Variants in PAGE5 observed in about 807,000 individuals in gnomAD.
The protein encoded by PAGE5 is PAGE family member 5.
PAGE5 carries 8 observed loss-of-function variants against 8.1 expected under a neutral mutation model. The observed-to-expected ratio is 0.98, with a 90% CI of 0.58 to 1.77. PAGE5 has a LOEUF of 1.77. PAGE5 is among the 40% of genes most tolerant of loss of function. The pLI is 0.00. For missense variants in PAGE5, 64 were observed against 77.6 expected (o/e 0.82, Z 0.66); for synonymous variants, 30 against 27.0 (o/e 1.11, Z -0.35).
In PAGE5 at chrX:55,223,992, G is replaced by C. The variant is rs751111833; in HGVS notation, c.322G>C (p.Gly108Arg). ...DPTKVLEAGE[G>R]QL ...ATTTTATATTTATATTATAGGTGAA[G>C]GGCAACTATAGGTTTAAACCAAGAC... Residue 108 changes from glycine to arginine, a missense_variant, in exon 5 of 5, where the codon GGG becomes CGG. Coordinates refer to ENST00000374955, the MANE Select transcript of PAGE5 (RefSeq NM_001013435.3). 8.7e-7 allele frequency: 1 copy of C among 1,147,522 alleles called. No homozygotes were observed. 94.6% of individuals were successfully genotyped at this position (1,147,522 alleles called of 1,213,427 possible). A position where few individuals can be genotyped will look rare whatever the true frequency, so the allele number is the denominator to read the frequency against.
At chrX:55,220,565 C>T in intron 1 of PAGE5, 113 bp downstream of exon 1, 1 of 1,171,587 alleles carries the variant, frequency 8.5e-7, no homozygotes, top group South Asian at 1.9e-5. Context: ...GGGAAAAGGG[C>T]CTCGCGGTGG....
intron 2 of PAGE5, 48 bp downstream of exon 2, chrX:55,221,511 A>AT (rs1290588301): frequency 4.3e-6 from 5 of 1,152,602 alleles, no homozygotes; most frequent in Admixed American, 2.2e-5. Context: ...TTTTATTTTA[A>AT]AAAATATTTT....
Position 55,222,875 on chromosome X carries a change from T to C in PAGE5, c.316+129T>C, listed in dbSNP as rs192989311. On this transcript the variant is annotated intron_variant, in intron 4 of 4. Coordinates refer to ENST00000374955, the MANE Select transcript of PAGE5 (RefSeq NM_001013435.3). ...ACATCTAAAGATTCTTTGAAGGTAG[T>C]TCAGACCCCAAATGGCTGCCTTACA... is the stretch of plus-strand genomic sequence containing the variant. 282 of 837,571 alleles carry C rather than the reference T, an allele frequency of 3.4e-4. 2 individuals carry two copies. In the East Asian group the frequency reaches 9.3e-3, roughly 28 times the overall value. The allele number at this position is 837,571 out of a possible 1,213,427, so 69.0% of individuals were successfully genotyped here. A position where few individuals can be genotyped will look rare whatever the true frequency, so the allele number is the denominator to read the frequency against.
chrX:55,222,800 A>G (rs1264380511), intron 4 of PAGE5, 54 bp downstream of exon 4: 4 of 1,144,440 alleles, frequency 3.5e-6, no homozygotes, highest in Non-Finnish European at 2.4e-6. Context: ...ACAATATTGT[A>G]TTTTGTGTGA....
rs748659148 is a variant in PAGE5 at position 55,221,881 on chromosome X, G to A, written c.190+6G>A. On this transcript the variant is annotated splice_donor_region_variant and intron_variant, in intron 3 of 4. Transcript: ENST00000374955. ...AGGAGCACCTGCTGTTCAAGGTGAA[G>A]GGAGAGTGGAGAATAATGCTTATGG... The A allele has an allele frequency of 3.6e-5, 43 of 1,192,019 alleles. No homozygotes were observed. Among genetic ancestry groups the A allele is most frequent in the Non-Finnish European group, 4.5e-5 (40 of 883,321 alleles).
Position 55,221,475 on chromosome X carries a change from A to C in PAGE5, c.81+12A>C. Reference sequence around the variant, plus strand: ...TTGGACCTGTGATTGTGAGTCCTTTAGCATTTGATGTTTTCTATTAACACA... The same window carrying C: ...TTGGACCTGTGATTGTGAGTCCTTTCGCATTTGATGTTTTCTATTAACACA... On this transcript the variant is annotated intron_variant, in intron 2 of 4. Coordinates refer to ENST00000374955, the MANE Select transcript of PAGE5 (RefSeq NM_001013435.3). The C allele has an allele frequency of 8.4e-7, 1 of 1,193,246 alleles. No homozygotes were observed. The highest frequency in any genetic ancestry group is 1.8e-5 in the South Asian group (1 of 55,834).
intron 2 of PAGE5, 68 bp downstream of exon 2, chrX:55,221,531 G>T: frequency 9.3e-7 from 1 of 1,076,678 alleles, no homozygotes. Flanking sequence ...TTGAGCGAGT[G>T]TACATGCACT....
chrX:55,222,222 G>A (rs1282525796), intron 3 of PAGE5, among the ~76,000 whole-genome samples: 2 of 111,965 alleles, frequency 1.8e-5, no homozygotes, highest in Non-Finnish European at 3.8e-5. Context: ...TTCCTAGTCT[G>A]CCATCTGCGG....
Position 55,223,973 on chromosome X carries a change from T to C in PAGE5, c.317-14T>C. 1 of 1,127,102 alleles carries C rather than the reference T, an allele frequency of 8.9e-7. No individual in the cohort carries two copies. The highest frequency in any genetic ancestry group is 1.2e-6 in the Non-Finnish European group (1 of 836,608). The allele number at this position is 1,127,102 out of a possible 1,213,427, so 92.9% of individuals were successfully genotyped here. A position where few individuals can be genotyped will look rare whatever the true frequency, so the allele number is the denominator to read the frequency against. On this transcript the variant is annotated splice_polypyrimidine_tract_variant and intron_variant, in intron 4 of 4. Transcript: ENST00000374955. ...TGCTGAATAACGTGCTCTAATTTTA[T>C]ATTTATATTATAGGTGAAGGGCAAC...
intron 1 of PAGE5, 80 bp from the exon 2 acceptor site, chrX:55,221,295 T>A: frequency 1.1e-6 from 1 of 918,707 alleles, no homozygotes; most frequent in East Asian, 3.2e-5. Context: ...AAAGTACAAA[T>A]CACCATTTTG....
Position 55,223,379 on chromosome X carries a change from G to A in PAGE5, c.317-608G>A, listed in dbSNP as rs144610721. On this transcript the variant is annotated intron_variant, in intron 4 of 4. Transcript: ENST00000374955. ...CTGGTAATGTCTTAAAGCTAGCGTG[G>A]GGGTTTTCAGTTTACTGTATAAACT... is the stretch of plus-strand genomic sequence containing the variant. 3.2e-3 allele frequency among the ~76,000 whole-genome samples: 357 copies of A among 111,697 alleles called. 2 individuals are homozygous for A. Among genetic ancestry groups the A allele is most frequent in the African/African-American group, 0.011 (344 of 30,794 alleles).
Position 55,222,678 on chromosome X carries a change from C to T in PAGE5, c.248C>T (p.Pro83Leu). ...ELALLKIEDA[P>L]GDGPDVREGT... Reference sequence around the variant, plus strand: ...GCTCTGCTTAAGATAGAGGATGCACCTGGAGATGGTCCTGATGTCAGGGAG... The same window carrying T: ...GCTCTGCTTAAGATAGAGGATGCACTTGGAGATGGTCCTGATGTCAGGGAG... Residue 83 changes from proline (P) to leucine (L), a missense_variant, in exon 4 of 5, where the codon CCT becomes CTT. Coordinates refer to ENST00000374955, the MANE Select transcript of PAGE5 (RefSeq NM_001013435.3). 1 of 1,208,803 alleles carries T rather than the reference C, an allele frequency of 8.3e-7. No individual in the cohort carries two copies. The highest frequency in any genetic ancestry group is 1.7e-5 in the African/African-American group (1 of 57,783).
chrX:55,223,860 A>T, intron 4 of PAGE5, 127 bp from the exon 5 acceptor site: 1 of 404,933 alleles, frequency 2.5e-6, no homozygotes, highest in Non-Finnish European at 4.1e-6. Flanking sequence ...GGCTAACTGG[A>T]TGTAAGCTAA....
At position 55,220,372 on chromosome X, in the gene PAGE5, G is replaced by GT; in HGVS notation, c.-89_-88insT. 1 of 410,779 alleles carries GT rather than the reference G, an allele frequency of 2.4e-6. No homozygotes were observed. Among genetic ancestry groups the GT allele is most frequent in the Middle Eastern group, 7.0e-4 (1 of 1,421 alleles). The allele number at this position is 410,779 out of a possible 1,213,427, so 33.9% of individuals were successfully genotyped here. The stretch of plus-strand genomic sequence containing the variant: ...TTCTGTCTAGGCAGAGCTCTGCAAG[G>GT]AGAGGTTGTGTCTTCGTTCTTTCCG... On this transcript the variant is annotated 5_prime_UTR_variant, in exon 1 of 5. Transcript: ENST00000374955.
At chrX:55,221,981 T>C (rs1297011065) in intron 3 of PAGE5, 106 bp downstream of exon 3, 28 of 830,280 alleles carry the variant, frequency 3.4e-5, no homozygotes, top group Non-Finnish European at 4.6e-5. Context: ...TAGGAAGGAA[T>C]CTTAAACATT....
At chrX:55,221,342 C>T in intron 1 of PAGE5, 33 bp from the exon 2 acceptor site, 1 of 1,159,674 alleles carries the variant, frequency 8.6e-7, no homozygotes, top group Non-Finnish European at 1.2e-6. Flanking sequence ...AGTTCTTACA[C>T]ACTTTTTCCA....
In PAGE5 at chrX:55,220,586, T is replaced by C. The variant is rs372900123; in HGVS notation, c.-9+134T>C. The stretch of plus-strand genomic sequence containing the variant: ...AGGGCCTCGCGGTGGTCCTCCGCCT[T>C]CCCCCAGGTCCTGATGCAGGCGCCA... On this transcript the variant is annotated intron_variant, in intron 1 of 4. Transcript: ENST00000374955. The C allele has an allele frequency of 8.4e-6, 10 of 1,190,340 alleles. No individual in the cohort carries two copies. In the African/African-American group the frequency reaches 8.8e-5, roughly 10 times the overall value.
At chrX:55,222,970 C>T (rs755946991) in intron 4 of PAGE5, among the ~76,000 whole-genome samples, 1 of 111,234 alleles carries the variant, frequency 9.0e-6, no homozygotes, top group South Asian at 3.8e-4. Context: ...GAAGCCGAGG[C>T]AGAAAGACCA....
Position 55,222,713 on chromosome X carries a change from C to A in PAGE5, c.283C>A (p.Pro95Thr). The A allele has an allele frequency of 8.3e-7, 1 of 1,210,213 alleles. No homozygotes were observed. The highest frequency in any genetic ancestry group is 1.1e-6 in the Non-Finnish European group (1 of 894,211). ...DGPDVREGTL[P>T]TFDPTKVLEA... ...TCCTGATGTCAGGGAGGGGACTCTG[C>A]CCACTTTTGATCCCACTAAAGTGCT... The change falls in exon 4 of 5, where the codon CCC becomes ACC. Residue 95 changes from proline to threonine, a missense_variant. By Grantham distance (38) the Pro-to-Thr change is conservative (BLOSUM62 -1). Transcript: ENST00000374955.
Sources: allele counts gnomAD v4.1 joint callset (sites outside exome capture counted in the v4.1 genomes callset), GRCh38; gene constraint gnomAD v4.1.1; transcripts MANE v1.5; gene names NCBI Gene and HGNC (gene_info 2026-07-23, HGNC 2026-07-21).